Variants in BRAP observed in about 807,000 individuals in gnomAD.
The protein encoded by BRAP is BRCA1-associated protein.
In BRAP, 42 loss-of-function variants were observed where a neutral mutation model predicts 73.4. The observed-to-expected ratio is 0.57, with a 90% CI of 0.45 to 0.74. The LOEUF (loss-of-function observed/expected upper bound fraction) is 0.74. Among genes scored for constraint, BRAP ranks in the 30% least tolerant of loss-of-function variants. The probability of loss-of-function intolerance (pLI) is 0.00; values close to 1 mark genes in which losing one functional copy is unlikely to be tolerated. For synonymous variants in BRAP, 255 were observed against 267.4 expected, an observed-to-expected ratio of 0.95 and a Z score of 0.45; for missense variants, 593 against 751.4, an observed-to-expected ratio of 0.79 and a Z score of 2.46.
chr12:111,660,705 A>C, intron 6 of BRAP, 30 bp from the exon 7 acceptor site: 1 of 1,574,322 alleles, frequency 6.4e-7, no homozygotes, highest in Non-Finnish European at 8.6e-7. Flanking sequence ...ATAATGGTGC[A>C]GGTTAAATAT....
chr12:111,648,440 C>T (rs191719752), intron 11 of BRAP, among the ~76,000 whole-genome samples: 137 of 137,828 alleles, frequency 9.9e-4, no homozygotes, highest in Non-Finnish European at 1.4e-3. Flanking sequence ...GGTGAAACCC[C>T]GTCTCTACTA....
chr12:111,672,524 T>G, intron 5 of BRAP, 137 bp downstream of exon 5: 1 of 704,446 alleles, frequency 1.4e-6, no homozygotes, highest in Non-Finnish European at 2.3e-6. Flanking sequence ...CATTCGTCTC[T>G]TCCTGCCCTG....
intron 10 of BRAP, among the ~76,000 whole-genome samples, chr12:111,651,587 C>A (rs1483325628): frequency 6.6e-6 from 1 of 150,638 alleles, no homozygotes; most frequent in Non-Finnish European, 1.5e-5. Context: ...TTCAAATTAA[C>A]TTTATAGCCA....
At chr12:111,658,692 G>C in intron 9 of BRAP, 44 bp downstream of exon 9, 1 of 1,336,720 alleles carries the variant, frequency 7.5e-7, no homozygotes, top group South Asian at 1.3e-5. Context: ...GAATAGTAAA[G>C]AGCAGTAGAA....
chr12:111,665,565 T>C lies in BRAP; in HGVS notation c.896+74A>G. On this transcript the variant is annotated intron_variant, in intron 6 of 11. Coordinates refer to ENST00000419234, the MANE Select transcript of BRAP (RefSeq NM_006768.5). The surrounding 1 kb of genome is among the most constrained non-coding windows in gnomAD (Gnocchi z 4.3). ...TCAAATACTTGGAATGGTTCATTTC[T>C]GCTGGTGGCTCTTTTTAATTCTGGA... The C allele has an allele frequency of 6.4e-7, 1 of 1,563,430 alleles. No homozygotes were observed. Among genetic ancestry groups the C allele is most frequent in the South Asian group, 1.1e-5 (1 of 87,074 alleles).
At position 111,644,209 on chromosome 12, in the gene BRAP, C is replaced by G; in HGVS notation, c.1769G>C (p.Arg590Thr). 1 of 1,610,776 alleles carries G rather than the reference C, an allele frequency of 6.2e-7. No homozygotes were observed. Among genetic ancestry groups the G allele is most frequent in the Non-Finnish European group, 8.5e-7 (1 of 1,179,622 alleles). ...CTGTTGCTCTGAAGGTCACTTGCCC[C>G]TCTTGCTGCGGCCCTTCCTGGAGGG... ...KLPSRKGRSKRGK is the reference protein window; with the variant it reads ...KLPSRKGRSKTGK Residue 590 changes from arginine to threonine, a missense_variant, in exon 12 of 12, where the codon AGG becomes ACG. Physicochemically the swap from Arg to Thr is moderately conservative, Grantham distance 71. Coordinates refer to ENST00000419234, the MANE Select transcript of BRAP (RefSeq NM_006768.5).
chr12:111,680,377 A>T (rs1418086239), intron 3 of BRAP, among the ~76,000 whole-genome samples: 1 of 152,116 alleles, frequency 6.6e-6, no homozygotes, highest in Non-Finnish European at 1.5e-5. Flanking sequence ...GAAATGCTGC[A>T]AACTCACTTG....
At chr12:111,669,104 C>T (rs1887070916) in intron 5 of BRAP, among the ~76,000 whole-genome samples, 1 of 152,132 alleles carries the variant, frequency 6.6e-6, no homozygotes. Flanking sequence ...AGTTAAGTAA[C>T]GTTTTCCTCC....
chr12:111,666,315 C>A (rs747434162), intron 5 of BRAP, among the ~76,000 whole-genome samples: 1 of 152,100 alleles, frequency 6.6e-6, no homozygotes, highest in Non-Finnish European at 1.5e-5. Context: ...TAAGTGTCTA[C>A]GACTATAATA....
chr12:111,675,367 A>G (rs1342724024), intron 4 of BRAP, among the ~76,000 whole-genome samples: 1 of 151,586 alleles, frequency 6.6e-6, no homozygotes, highest in Admixed American at 6.6e-5. Flanking sequence ...TAAAAAGAAA[A>G]AGTACTTTTT....
intron 5 of BRAP, among the ~76,000 whole-genome samples, chr12:111,669,234 T>A (rs1238267624): frequency 2.0e-5 from 3 of 146,844 alleles, no homozygotes; most frequent in Non-Finnish European, 4.5e-5. Flanking sequence ...TTCTCTCTCT[T>A]TTTTTTTTTT....
intron 4 of BRAP, among the ~76,000 whole-genome samples, chr12:111,675,200 G>A (rs556479217): frequency 6.6e-6 from 1 of 151,978 alleles, no homozygotes; most frequent in African/African-American, 2.4e-5. Flanking sequence ...GGTGAAAGCT[G>A]CAGTGAGCCG....
At chr12:111,659,405 G>A (rs189609275) in intron 7 of BRAP, 60 bp from the exon 8 acceptor site, 47 of 1,522,516 alleles carry the variant, frequency 3.1e-5, no homozygotes, top group South Asian at 1.1e-4. Context: ...GGCTGGGCGC[G>A]ATGGCTCGGA....
intron 4 of BRAP, chr12:111,673,426 C>T (rs865955893): frequency 6.6e-6 from 1 of 151,286 alleles, no homozygotes; most frequent in African/African-American, 2.4e-5. Context: ...ATCGCTTGCA[C>T]CCAGGATGCA....
Position 111,685,702 on chromosome 12 carries a change from G to T in BRAP, c.82+9C>A. The T allele has an allele frequency of 6.2e-7, 1 of 1,601,650 alleles. No individual in the cohort carries two copies. Among genetic ancestry groups the T allele is most frequent in the Non-Finnish European group, 8.5e-7 (1 of 1,176,126 alleles). On this transcript the variant is annotated intron_variant, in intron 1 of 11. Coordinates refer to ENST00000419234, the MANE Select transcript of BRAP (RefSeq NM_006768.5). ...GCTACAGGGAATGCGGCGAGGCCGC[G>T]GGACTCACCCGCGGCGCTGAAGCCG...
chr12:111,651,428 C>A (rs1174929427), intron 10 of BRAP, among the ~76,000 whole-genome samples: 1 of 151,520 alleles, frequency 6.6e-6, no homozygotes, highest in East Asian at 2.0e-4. Flanking sequence ...ATCCCAGCTA[C>A]TCAGGAGGCT....
Position 111,661,299 on chromosome 12 carries a change from GAC to G in BRAP, c.897-626_897-625del, listed in dbSNP as rs754751785. ...AGCTTGTTTTTTTTTTTTTTTTTGA[GAC>G]AGAGTTTAGCTTTTGTTGCCCAGGC... is the stretch of plus-strand genomic sequence containing the variant. On this transcript the variant is annotated intron_variant, in intron 6 of 11. Coordinates refer to ENST00000419234, the MANE Select transcript of BRAP (RefSeq NM_006768.5). Among the ~76,000 whole-genome samples the G allele has an allele frequency of 4.3e-5, 6 of 139,390 alleles. No individual in the cohort carries two copies. In the East Asian group the frequency reaches 1.0e-3, roughly 24 times the overall value. 91.4% of individuals were successfully genotyped at this position (139,390 alleles called of 152,430 possible).
intron 10 of BRAP, among the ~76,000 whole-genome samples, chr12:111,652,134 G>A (rs767284278): frequency 2.6e-5 from 4 of 152,114 alleles, no homozygotes; most frequent in Admixed American, 6.6e-5. Context: ...CTATCCTAAG[G>A]AACCAAACTG....
At chr12:111,671,042 G>A (rs572422516) in intron 5 of BRAP, among the ~76,000 whole-genome samples, 32 of 152,058 alleles carry the variant, frequency 2.1e-4, no homozygotes, top group Non-Finnish European at 3.7e-4. Flanking sequence ...GGAGGTTATA[G>A]TGAGCCAAGA....
Sources: gnomAD v4.1 joint callset for allele counts (sites outside exome capture counted in the v4.1 genomes callset) on GRCh38, gnomAD v4.1.1 for gene constraint, Gnocchi (gnomAD v3.1) non-coding constraint, MANE v1.5 for transcripts, NCBI Gene and HGNC (gene_info 2026-07-23, HGNC 2026-07-21) for gene names.